Variants in GOLM2 observed in about 807,000 individuals in gnomAD.
The protein encoded by GOLM2 is protein GOLM2.
GOLM2 carries 26 observed loss-of-function variants against 55.9 expected under a neutral mutation model. The ratio of observed to expected loss-of-function variants is 0.47; its 90% CI spans 0.34 to 0.65. The LOEUF (loss-of-function observed/expected upper bound fraction) is 0.65, where lower values mean the gene tolerates loss of function less well. Ranked by LOEUF, GOLM2 falls within the 30% of genes least tolerant of loss-of-function variation. GOLM2 has a pLI of 0.01. For missense variants in GOLM2, 486 were observed against 531.8 expected, an observed-to-expected ratio of 0.91 and a Z score of 0.85; for synonymous variants, 165 against 194.6, an observed-to-expected ratio of 0.85 and a Z score of 1.27.
At chr15:44,295,317 T>C (rs1465771721) in intron 1 of GOLM2, among the ~76,000 whole-genome samples, 1 of 152,140 alleles carries the variant, frequency 6.6e-6, no homozygotes, top group Non-Finnish European at 1.5e-5. Flanking sequence ...TGACCTCAAG[T>C]GATCTGCCCA....
At chr15:44,332,847 A>G (rs2079031435) in intron 4 of GOLM2, among the ~76,000 whole-genome samples, 1 of 152,126 alleles carries the variant, frequency 6.6e-6, no homozygotes, top group African/African-American at 2.4e-5. Flanking sequence ...TTCTTTTATT[A>G]ATTCATTTTA....
Position 44,289,476 on chromosome 15 carries a change from C to G in GOLM2, c.327+120C>G. The G allele has an allele frequency of 2.3e-6, 2 of 885,614 alleles. No homozygotes were observed. Among genetic ancestry groups the G allele is most frequent in the Non-Finnish European group, 3.4e-6 (2 of 591,200 alleles). The allele number at this position is 885,614 out of a possible 1,614,324, so 54.9% of individuals were successfully genotyped here. A position where few individuals can be genotyped will look rare whatever the true frequency, so the allele number is the denominator to read the frequency against. On this transcript the variant is annotated intron_variant, in intron 1 of 9. Transcript: ENST00000299957. This position sits in a 1 kb window ranked among gnomAD's most constrained non-coding sequence, Gnocchi z 4.8. ...TCCAGTATTTCAGTCCTGAAGGCTC[C>G]TTTCACCCCCAACAACCCTGTTTCT...
intron 6 of GOLM2, among the ~76,000 whole-genome samples, chr15:44,362,927 A>C (rs1473463692): frequency 6.6e-6 from 1 of 152,206 alleles, no homozygotes; most frequent in Non-Finnish European, 1.5e-5. Context: ...AACCTGAGAA[A>C]AACAAGCAAT....
intron 1 of GOLM2, among the ~76,000 whole-genome samples, chr15:44,314,690 G>A (rs1452974712): frequency 6.6e-6 from 1 of 152,178 alleles, no homozygotes; most frequent in Non-Finnish European, 1.5e-5. Context: ...CATACTCTGT[G>A]TGAACTATGA....
chr15:44,409,177 G>A (rs1236144834), intron 9 of GOLM2, among the ~76,000 whole-genome samples: 1 of 151,272 alleles, frequency 6.6e-6, no homozygotes, highest in African/African-American at 2.4e-5. Context: ...CCAGCTACTC[G>A]GGAGGCTGAG....
chr15:44,398,754 C>T (rs2079544173), intron 8 of GOLM2, among the ~76,000 whole-genome samples: 1 of 150,270 alleles, frequency 6.7e-6, no homozygotes, highest in Admixed American at 6.7e-5. Flanking sequence ...GCAACCTCCA[C>T]CTCCCGGGTT....
intron 8 of GOLM2, among the ~76,000 whole-genome samples, chr15:44,400,821 C>T (rs191034348): frequency 2.0e-5 from 3 of 152,146 alleles, no homozygotes; most frequent in East Asian, 1.9e-4. Flanking sequence ...TCTGATCGCC[C>T]GCCTTGGCCT....
At chr15:44,412,422 C>CT (rs1395240378) in intron 9 of GOLM2, among the ~76,000 whole-genome samples, 3 of 151,812 alleles carry the variant, frequency 2.0e-5, no homozygotes, top group Non-Finnish European at 2.9e-5. Flanking sequence ...TAACAGTAAT[C>CT]TTTTTTTTCT....
At chr15:44,388,595 GC>G (rs2079464848) in intron 8 of GOLM2, among the ~76,000 whole-genome samples, 1 of 151,690 alleles carries the variant, frequency 6.6e-6, no homozygotes. Flanking sequence ...GATTCTTTAA[GC>G]CCAGGAGTTA....
chr15:44,371,402 C>CT (rs989854558), intron 6 of GOLM2, among the ~76,000 whole-genome samples: 1 of 152,108 alleles, frequency 6.6e-6, no homozygotes, highest in Admixed American at 6.6e-5. Context: ...AAATCCATCT[C>CT]TAAGTTTAAA....
chr15:44,408,591 T>C lies in GOLM2; in HGVS notation c.1241-4745T>C, dbSNP rs143989185. ...CCAAATAATTTTAGGAACTAGATCA[T>C]GTTTGTTAAGTACGTGAGCTGGGAG... is the stretch of plus-strand genomic sequence containing the variant. On this transcript the variant is annotated intron_variant, in intron 9 of 9. Coordinates refer to ENST00000299957, the MANE Select transcript of GOLM2 (RefSeq NM_138423.4). Among the ~76,000 whole-genome samples, 344 of 152,366 alleles carry C rather than the reference T, an allele frequency of 2.3e-3. 1 individual carries two copies. Among genetic ancestry groups the C allele is most frequent in the African/African-American group, 8.0e-3 (332 of 41,588 alleles).
intron 8 of GOLM2, among the ~76,000 whole-genome samples, chr15:44,395,599 T>C (rs993868808): frequency 1.3e-5 from 2 of 151,926 alleles, no homozygotes; most frequent in Non-Finnish European, 2.9e-5. Context: ...TCTAGCACTT[T>C]GGGAGGCCAA....
At chr15:44,409,774 G>A (rs2079624401) in intron 9 of GOLM2, 1 of 150,690 alleles carries the variant, frequency 6.6e-6, no homozygotes, top group Non-Finnish European at 1.5e-5. Context: ...AAATTATCCG[G>A]GCATGGTGGC....
rs749183695 is a variant in GOLM2, at chr15:44,323,000, A to G, written c.363A>G (p.Ala121=). The G allele has an allele frequency of 2.9e-5, 46 of 1,579,040 alleles. No homozygotes were observed. In the Admixed American group the frequency reaches 8.3e-4, roughly 28 times the overall value. ...KLQNNISYQM[A]DIHHLKEQLA... is the part of the protein sequence containing the mutation. ...AGAACAACATATCGTATCAGATGGC[A>G]GACATACATCATTTAAAGGGTAAGA... Residue 121 remains alanine, a synonymous_variant, in exon 2 of 10, where the codon GCA becomes GCG. Transcript: ENST00000299957.
Position 44,323,002 on chromosome 15 carries a change from A to T in GOLM2, c.365A>T (p.Asp122Val), listed in dbSNP as rs774001370. The change falls in exon 2 of 10, where the codon GAC becomes GTC. Residue 122 changes from aspartate (D) to valine (V), a missense_variant. Asp to Val is a radical substitution (Grantham distance 152). Coordinates refer to ENST00000299957, the MANE Select transcript of GOLM2 (RefSeq NM_138423.4). ...AACAACATATCGTATCAGATGGCAG[A>T]CATACATCATTTAAAGGGTAAGAAC... ...LQNNISYQMADIHHLKEQLAE... is the reference protein window; with the variant it reads ...LQNNISYQMAVIHHLKEQLAE... 45 of 1,578,950 alleles carry T rather than the reference A, an allele frequency of 2.9e-5. No individual in the cohort carries two copies. Among genetic ancestry groups the T allele is most frequent in the Middle Eastern group, 3.3e-4 (2 of 5,976 alleles).
intron 1 of GOLM2, among the ~76,000 whole-genome samples, chr15:44,301,274 A>G (rs1235148008): frequency 6.6e-6 from 1 of 152,028 alleles, no homozygotes; most frequent in African/African-American, 2.4e-5. Flanking sequence ...TTGACTCTCT[A>G]TAGCATTTTA....
intron 6 of GOLM2, among the ~76,000 whole-genome samples, chr15:44,345,512 G>A (rs990590211): frequency 6.6e-6 from 1 of 152,044 alleles, no homozygotes. Flanking sequence ...CGTCCGCCTC[G>A]GCCTCCCAAA....
intron 1 of GOLM2, among the ~76,000 whole-genome samples, chr15:44,309,656 C>A (rs776844211): frequency 6.6e-6 from 1 of 152,118 alleles, no homozygotes; most frequent in African/African-American, 2.4e-5. Flanking sequence ...ATAGTAATAG[C>A]TAATGTTTAT....
At chr15:44,382,660 C>T (rs2079411675) in intron 8 of GOLM2, among the ~76,000 whole-genome samples, 1 of 152,046 alleles carries the variant, frequency 6.6e-6, no homozygotes, top group Non-Finnish European at 1.5e-5. Context: ...TTATTCTATA[C>T]ATTTTTTTAA....
Sources: allele counts gnomAD v4.1 joint callset (sites outside exome capture counted in the v4.1 genomes callset), GRCh38; gene constraint gnomAD v4.1.1; non-coding constraint Gnocchi (gnomAD v3.1); transcripts MANE v1.5; gene names NCBI Gene and HGNC (gene_info 2026-07-23, HGNC 2026-07-21).